FH: variants seen among roughly 807,000 people sequenced by gnomAD.
FH encodes the protein fumarate hydratase, also known as fumarate hydratase, mitochondrial.
A neutral mutation model predicts 49.4 loss-of-function variants in FH; 22 were observed. The ratio of observed to expected loss-of-function variants is 0.45; its 90% CI spans 0.32 to 0.64. FH has a LOEUF of 0.64. Among genes scored for constraint, FH ranks in the 30% least tolerant of loss-of-function variants. The pLI is 0.05. For synonymous variants in FH, 208 were observed against 223.0 expected, an observed-to-expected ratio of 0.93 and a Z score of 0.60; for missense variants, 526 against 641.5, an observed-to-expected ratio of 0.82 and a Z score of 1.95.
rs750447887 is a variant in FH, at chr1:241,517,174, C to T, written c.267+8G>A. On this transcript the variant is annotated splice_region_variant and intron_variant, in intron 2 of 9. Transcript: ENST00000366560. ...AAAATAGCCAACATTTCCACAAATG[C>T]CACTTACTGGCATGCGTTCTGTCAC... 2.5e-6 allele frequency: 4 copies of T among 1,613,998 alleles called. No homozygotes were observed. The East Asian group carries it at 6.7e-5, about 27-fold the overall frequency.
chr1:241,498,139 G>A (rs1446217515), intron 9 of FH, among the ~76,000 whole-genome samples, 169 bp from the exon 10 acceptor site: 3 of 152,010 alleles, frequency 2.0e-5, no homozygotes, highest in East Asian at 3.9e-4. Context: ...CATTTTTTAT[G>A]TAGAACATTT....
chr1:241,506,650 A>T (rs1031150961), intron 5 of FH, among the ~76,000 whole-genome samples: 1 of 152,236 alleles, frequency 6.6e-6, no homozygotes, highest in Non-Finnish European at 1.5e-5. Context: ...ACCAGGAAAT[A>T]TGAAGACATT....
At position 241,500,578 on chromosome 1, in the gene FH, A is replaced by G. The variant is rs2147913360; in HGVS notation, c.1249T>C (p.Leu417=). 6.2e-7 allele frequency: 1 copy of G among 1,600,698 alleles called. No homozygotes were observed. The highest frequency in any genetic ancestry group is 8.5e-7 in the Non-Finnish European group (1 of 1,174,594). The change falls in exon 9 of 10, where the codon TTA becomes CTA. Residue 417 remains leucine (L), a synonymous_variant. Coordinates refer to ENST00000366560, the MANE Select transcript of FH (RefSeq NM_000143.4). ...VFKPMMIKNV[L]HSARLLGDAS... ...TCCCCCAGCAGCCTGGCTGAGTGTAACACATTTTTAATCTTTGAGTGAGTG... is the reference window on the plus strand; with the variant it reads ...TCCCCCAGCAGCCTGGCTGAGTGTAGCACATTTTTAATCTTTGAGTGAGTG...
rs750447792 is a variant in FH, at chr1:241,502,522, T to G, written c.1157A>C (p.Gln386Pro). ...QCEAMTMVAA[Q>P]VMGNHVAVTV... is the part of the protein sequence containing the mutation. ...GACAGCAACATGGTTCCCCATGACT[T>G]GGGCTGCAACCATGGTCATTGCTTC... Residue 386 changes from glutamine to proline, a missense_variant, in exon 8 of 10, where the codon CAA becomes CCA. Physicochemically the swap from Gln to Pro is moderately conservative, Grantham distance 76. Transcript: ENST00000366560. 6.2e-7 allele frequency: 1 copy of G among 1,614,174 alleles called. No individual in the cohort carries two copies. Among genetic ancestry groups the G allele is most frequent in the Non-Finnish European group, 8.5e-7 (1 of 1,180,010 alleles).
chr1:241,513,912 T>C (rs1003855472), intron 2 of FH, among the ~76,000 whole-genome samples, 199 bp from the exon 3 acceptor site: 1 of 152,230 alleles, frequency 6.6e-6, no homozygotes, highest in African/African-American at 2.4e-5. Flanking sequence ...TAGATCTATT[T>C]GTTTAAGGAA....
chr1:241,508,920 G>A, intron 4 of FH, 135 bp from the exon 5 acceptor site: 1 of 677,880 alleles, frequency 1.5e-6, no homozygotes, highest in Non-Finnish European at 2.5e-6. Context: ...TGTATGTGTG[G>A]CATGTCATAG....
intron 3 of FH, among the ~76,000 whole-genome samples, chr1:241,513,290 G>A (rs968600460): frequency 6.6e-6 from 1 of 151,850 alleles, no homozygotes; most frequent in Non-Finnish European, 1.5e-5. Context: ...GTTTTAAAAA[G>A]ATTTATATAT....
intron 3 of FH, among the ~76,000 whole-genome samples, chr1:241,512,699 G>C (rs1201852556): frequency 6.6e-6 from 1 of 152,132 alleles, no homozygotes; most frequent in Non-Finnish European, 1.5e-5. Context: ...AATGATTTTA[G>C]CTTAAAAAAT....
intron 9 of FH, among the ~76,000 whole-genome samples, chr1:241,498,841 T>C (rs1411310267): frequency 1.3e-5 from 2 of 149,252 alleles, no homozygotes; most frequent in Admixed American, 1.3e-4. Flanking sequence ...GCTGAGGCAG[T>C]ATACATCATC....
chr1:241,511,830 GAAAT>G (rs1302753119), intron 4 of FH, 133 bp downstream of exon 4: 1 of 822,300 alleles, frequency 1.2e-6, no homozygotes, highest in African/African-American at 1.7e-5. Context: ...ATTCCTTCAA[GAAAT>G]AAGAACCATA....
chr1:241,512,019 T>A lies in FH; in HGVS notation c.503A>T (p.Glu168Val), dbSNP rs1323852794. 4 of 1,613,926 alleles carry A rather than the reference T, an allele frequency of 2.5e-6. No individual in the cohort carries two copies. In the African/African-American group the frequency reaches 5.3e-5, roughly 22 times the overall value. The change falls in exon 4 of 10, where the codon GAA (glutamate) becomes GTA (valine). Residue 168 changes from glutamate to valine, a missense_variant. Glu to Val is a moderately radical substitution (Grantham distance 121, BLOSUM62 -2). This residue lies in a region of FH where 383 missense variants were observed against 514.0 expected (regional missense o/e 0.75). Coordinates refer to ENST00000366560, the MANE Select transcript of FH (RefSeq NM_000143.4). ...SNRAIEMLGG[E>V]LGSKIPVHPN... ...ATGCACAGGTATCTTGCTGCCAAGT[T>A]CACCTCCTAACATTTCAATTGCTCT...
At position 241,500,606 on chromosome 1, in the gene FH, A is replaced by AGT. The variant is rs1558396458; in HGVS notation, c.1237-17_1237-16insAC. ...CATTTTTAATCTTTGAGTGAGTGAGAGAGAGAGAGAGAGAGAGAGAGAGAG... is the reference window on the plus strand; with the variant it reads ...CATTTTTAATCTTTGAGTGAGTGAGAGTGAGAGAGAGAGAGAGAGAGAGAGAG... On this transcript the variant is annotated splice_polypyrimidine_tract_variant and intron_variant, in intron 8 of 9. Coordinates refer to ENST00000366560, the MANE Select transcript of FH (RefSeq NM_000143.4). 2.2e-6 allele frequency: 3 copies of AGT among 1,378,766 alleles called. No homozygotes were observed. Among genetic ancestry groups the AGT allele is most frequent in the East Asian group, 6.5e-5 (2 of 30,636 alleles). The allele number at this position is 1,378,766 out of a possible 1,614,324, so 85.4% of individuals were successfully genotyped here.
intron 5 of FH, 128 bp from the exon 6 acceptor site, chr1:241,506,296 T>A: frequency 1.4e-6 from 1 of 710,456 alleles, no homozygotes; most frequent in Middle Eastern, 4.0e-4. Context: ...AATCAAGTTT[T>A]ATTTATACTA....
intron 7 of FH, among the ~76,000 whole-genome samples, chr1:241,502,856 C>A (rs1382283936): frequency 6.6e-6 from 1 of 152,170 alleles, no homozygotes; most frequent in Non-Finnish European, 1.5e-5. Flanking sequence ...ACTCAATATA[C>A]AACACTGAAT....
chr1:241,497,868 T>C lies in FH; in HGVS notation c.1493A>G (p.Asp498Gly). The C allele has an allele frequency of 1.2e-6, 2 of 1,612,840 alleles. No homozygotes were observed. The highest frequency in any genetic ancestry group is 1.7e-6 in the Non-Finnish European group (2 of 1,179,858). ...ELGYLTAEQF[D>G]EWVKPKDMLG... The stretch of plus-strand genomic sequence containing the variant: ...CATGTCCTTAGGTTTTACCCATTCG[T>C]CAAACTGCTCTGCTGTGAGATAGCC... The change falls in exon 10 of 10, where the codon GAC becomes GGC. Residue 498 changes from aspartate to glycine, a missense_variant. By Grantham distance (94) the Asp-to-Gly change is moderately conservative. Coordinates refer to ENST00000366560, the MANE Select transcript of FH (RefSeq NM_000143.4).
chr1:241,518,670 A>G (rs549980685), intron 1 of FH, among the ~76,000 whole-genome samples: 2 of 152,354 alleles, frequency 1.3e-5, no homozygotes, highest in African/African-American at 2.4e-5. Flanking sequence ...ATTTGAAATC[A>G]CATCTCTTAG....
At chr1:241,519,417 A>G (rs1660308798) in intron 1 of FH, 174 bp downstream of exon 1, 3 of 722,058 alleles carry the variant, frequency 4.2e-6, no homozygotes, top group Middle Eastern at 4.1e-4. Flanking sequence ...CTGCGCCGGA[A>G]GAGGCGTCCC....
At chr1:241,510,508 A>T (rs1398106147) in intron 4 of FH, among the ~76,000 whole-genome samples, 1 of 152,184 alleles carries the variant, frequency 6.6e-6, no homozygotes, top group Non-Finnish European at 1.5e-5. Context: ...ATAAATAAAT[A>T]AATGGGACAG....
At chr1:241,511,943 A>C in intron 4 of FH, 24 bp downstream of exon 4, 1 of 1,613,026 alleles carries the variant, frequency 6.2e-7, no homozygotes, top group African/African-American at 1.3e-5. Context: ...TATAACCAAA[A>C]AACAGCAAAG....
Sources: gnomAD v4.1 joint callset for allele counts (sites outside exome capture counted in the v4.1 genomes callset) on GRCh38, gnomAD v4.1.1 for gene constraint, gnomAD v4.1.1 regional missense constraint, MANE v1.5 for transcripts, NCBI Gene and HGNC (gene_info 2026-07-23, HGNC 2026-07-21) for gene names.